Variants in KDM4B observed in about 807,000 individuals in gnomAD.
The protein encoded by KDM4B is lysine demethylase 4B, also known as lysine-specific demethylase 4B.
A neutral mutation model predicts 125.2 loss-of-function variants in KDM4B; 32 were observed. The observed-to-expected ratio is 0.26, with a 90% CI of 0.19 to 0.34. KDM4B has a LOEUF of 0.34. KDM4B is among the 10% of genes least tolerant of loss of function. KDM4B has a pLI of 1.00. For synonymous variants in KDM4B, 721 were observed against 677.9 expected (o/e 1.06, Z -0.99); for missense variants, 1,190 against 1,577.7 (o/e 0.75, Z 4.16).
chr19:4,994,221 C>T (rs1389197543), intron 1 of KDM4B, among the ~76,000 whole-genome samples: 2 of 151,550 alleles, frequency 1.3e-5, no homozygotes, highest in South Asian at 2.1e-4. Context: ...GTTGGGATTA[C>T]AGGTGTGAGC....
chr19:5,039,104 A>G (rs1054245446), intron 3 of KDM4B, among the ~76,000 whole-genome samples: 4 of 152,212 alleles, frequency 2.6e-5, no homozygotes, highest in Non-Finnish European at 4.4e-5. Context: ...GCCAGAGGGC[A>G]TTGTGAGCTG....
At chr19:5,107,364 G>A (rs2039055085) in intron 9 of KDM4B, among the ~76,000 whole-genome samples, 1 of 152,216 alleles carries the variant, frequency 6.6e-6, no homozygotes, top group Admixed American at 6.5e-5. Flanking sequence ...CGCGAGTGCT[G>A]ACAGAGGACC....
In KDM4B at chr19:5,094,433, G is replaced by T. The variant is rs569104211; in HGVS notation, c.918+11929G>T. On this transcript the variant is annotated intron_variant, in intron 9 of 22. Transcript: ENST00000159111. ...AGTTAGATTTCATCACCATGTGCGG[G>T]GGGGAGGCACTGGGCATTTCAGCAA... 7.2e-5 allele frequency among the ~76,000 whole-genome samples: 11 copies of T among 152,348 alleles called. No homozygotes were observed. The East Asian group carries it at 1.7e-3, about 24-fold the overall frequency.
chr19:5,023,740 C>T (rs888535777), intron 2 of KDM4B, among the ~76,000 whole-genome samples: 4 of 150,542 alleles, frequency 2.7e-5, no homozygotes. Context: ...TTTCAAAAAC[C>T]ATGCACTGTC....
intron 1 of KDM4B, among the ~76,000 whole-genome samples, chr19:4,986,942 T>G (rs993130581): frequency 6.6e-6 from 1 of 152,104 alleles, no homozygotes; most frequent in Non-Finnish European, 1.5e-5. Context: ...TATGCCTTTT[T>G]TTATTTTTAT....
intron 20 of KDM4B, 87 bp from the exon 21 acceptor site, chr19:5,144,696 T>C (rs2039810915): frequency 1.9e-6 from 3 of 1,550,898 alleles, no homozygotes; most frequent in Non-Finnish European, 2.6e-6. Context: ...AGAACCTCAC[T>C]TGCCAGCGCG....
chr19:5,107,643 A>G (rs889993634), intron 9 of KDM4B, among the ~76,000 whole-genome samples: 1 of 152,138 alleles, frequency 6.6e-6, no homozygotes, highest in Non-Finnish European at 1.5e-5. Context: ...CACCCTTTTC[A>G]TGGGCACGTG....
intron 5 of KDM4B, 95 bp from the exon 6 acceptor site, chr19:5,047,381 C>T (rs2037059278): frequency 2.0e-5 from 24 of 1,209,664 alleles, no homozygotes; most frequent in Non-Finnish European, 2.4e-5. Flanking sequence ...TGGGCAGCGA[C>T]CCCTGGGACT....
At chr19:5,051,017 C>A (rs2037204588) in intron 6 of KDM4B, among the ~76,000 whole-genome samples, 1 of 152,254 alleles carries the variant, frequency 6.6e-6, no homozygotes, top group Non-Finnish European at 1.5e-5. Flanking sequence ...GGCATCCCCT[C>A]CCCAACCTGC....
chr19:5,068,245 G>T (rs182744013), intron 6 of KDM4B, among the ~76,000 whole-genome samples: 1 of 152,148 alleles, frequency 6.6e-6, no homozygotes, highest in Non-Finnish European at 1.5e-5. Flanking sequence ...TGGGAGGCCC[G>T]AAGGCTCCCT....
chr19:5,024,982 C>T (rs2036234411), intron 2 of KDM4B, among the ~76,000 whole-genome samples: 1 of 152,222 alleles, frequency 6.6e-6, no homozygotes, highest in Admixed American at 6.5e-5. Flanking sequence ...TATTGAGATA[C>T]AATTTGCGAA....
chr19:5,018,672 C>A (rs1459287951), intron 2 of KDM4B, among the ~76,000 whole-genome samples: 2 of 152,256 alleles, frequency 1.3e-5, no homozygotes, highest in Non-Finnish European at 2.9e-5. Flanking sequence ...CATTCCGGAG[C>A]ATCTCATTGT....
chr19:5,000,742 T>C (rs1029902764), intron 1 of KDM4B, among the ~76,000 whole-genome samples: 1 of 152,208 alleles, frequency 6.6e-6, no homozygotes, highest in African/African-American at 2.4e-5. Flanking sequence ...AAATAAGGTT[T>C]GGTTTACTTG....
intron 11 of KDM4B, among the ~76,000 whole-genome samples, chr19:5,127,529 GC>G (rs1278589329): frequency 2.0e-5 from 3 of 152,196 alleles, no homozygotes; most frequent in African/African-American, 7.2e-5. Context: ...GTGCGTTGAG[GC>G]TGCCGCCATT....
intron 9 of KDM4B, among the ~76,000 whole-genome samples, chr19:5,089,336 T>C (rs895216839): frequency 6.6e-6 from 1 of 152,228 alleles, no homozygotes; most frequent in African/African-American, 2.4e-5. Context: ...GTTCTGTCTC[T>C]GGAACACGTG....
intron 2 of KDM4B, among the ~76,000 whole-genome samples, chr19:5,022,978 C>T (rs1044409034): frequency 9.2e-5 from 14 of 152,138 alleles, no homozygotes; most frequent in Admixed American, 4.6e-4. Context: ...CCATGGATGT[C>T]CACATCTTAA....
chr19:5,079,684 G>A (rs540396810), intron 8 of KDM4B, among the ~76,000 whole-genome samples: 18 of 152,274 alleles, frequency 1.2e-4, no homozygotes, highest in Admixed American at 7.8e-4. Flanking sequence ...TTCCGAAGCC[G>A]GCTCAAATAG....
intron 9 of KDM4B, among the ~76,000 whole-genome samples, chr19:5,105,792 G>T (rs1486568607): frequency 6.6e-6 from 1 of 152,202 alleles, no homozygotes; most frequent in Admixed American, 6.5e-5. Context: ...TACAGGCCGT[G>T]CATTCCCCAT....
chr19:5,089,682 TTCTG>T (rs1224362677), intron 9 of KDM4B, among the ~76,000 whole-genome samples: 9 of 145,546 alleles, frequency 6.2e-5, no homozygotes, highest in Admixed American at 4.0e-4. Context: ...CTCAATATGG[TTCTG>T]TCTTTTTTTG....
Sources: gnomAD v4.1 joint callset for allele counts (sites outside exome capture counted in the v4.1 genomes callset) on GRCh38, gnomAD v4.1.1 for gene constraint, MANE v1.5 for transcripts, NCBI Gene and HGNC (gene_info 2026-07-23, HGNC 2026-07-21) for gene names.